Variants in C3orf20 observed in about 807,000 individuals in gnomAD.
C3orf20 encodes uncharacterized protein C3orf20.
C3orf20 carries 76 observed loss-of-function variants against 88.3 expected under a neutral mutation model. The ratio of observed to expected loss-of-function variants is 0.86; its 90% CI spans 0.72 to 1.04. The LOEUF is 1.04. C3orf20 is among the 50% of genes least tolerant of loss of function. C3orf20 has a pLI of 0.00. For synonymous variants in C3orf20, 436 were observed against 437.4 expected (o/e 1.00, Z 0.04); for missense variants, 1,056 against 1,123.3 (o/e 0.94, Z 0.86).
At chr3:14,706,206 GTTA>G (rs1205220782) in intron 7 of C3orf20, among the ~76,000 whole-genome samples, 1 of 152,104 alleles carries the variant, frequency 6.6e-6, no homozygotes, top group African/African-American at 2.4e-5. Flanking sequence ...TCAAAGAAGT[GTTA>G]TTGTTTCTCA....
At chr3:14,730,882 T>C (rs1326204303) in intron 12 of C3orf20, among the ~76,000 whole-genome samples, 3 of 152,234 alleles carry the variant, frequency 2.0e-5, no homozygotes, top group Non-Finnish European at 2.9e-5. Flanking sequence ...AAGTGGTTTT[T>C]TATTTGCATT....
intron 15 of C3orf20, among the ~76,000 whole-genome samples, chr3:14,764,038 C>T (rs2035633365): frequency 6.6e-6 from 1 of 152,060 alleles, no homozygotes; most frequent in Non-Finnish European, 1.5e-5. Context: ...CACATACATA[C>T]AAACTATAAA....
rs73813969 is a variant in C3orf20 at position 14,721,633 on chromosome 3, T to C, written c.1435-20T>C. On this transcript the variant is annotated intron_variant, in intron 9 of 16. Coordinates refer to ENST00000253697, the MANE Select transcript of C3orf20 (RefSeq NM_032137.5). ...GCCGTTGAAGCAGGGATTCTCTGAG[T>C]ACTGTTTCTTCATCTACAGGTGAAT... The C allele has an allele frequency of 2.3e-3, 3,722 of 1,613,462 alleles. 56 individuals are homozygous for C. In the African/African-American group the frequency reaches 0.043, roughly 19 times the overall value.
In C3orf20 at chr3:14,754,852, G is replaced by A. The variant is rs558147014; in HGVS notation, c.1941-2519G>A. 8.5e-5 allele frequency among the ~76,000 whole-genome samples: 13 copies of A among 152,122 alleles called. No homozygotes were observed. In the South Asian group the frequency reaches 2.3e-3, roughly 27 times the overall value. On this transcript the variant is annotated intron_variant, in intron 12 of 16. Coordinates refer to ENST00000253697, the MANE Select transcript of C3orf20 (RefSeq NM_032137.5). ...CATTCCTCCCACCTCAGCCTCCCAA[G>A]AAACTGGGACCACAGGCATGTGCCA...
At chr3:14,721,852 A>G in intron 10 of C3orf20, 68 bp downstream of exon 10, 1 of 1,592,196 alleles carries the variant, frequency 6.3e-7, no homozygotes, top group South Asian at 1.1e-5. Context: ...GCTGTTTCAT[A>G]TCTCAGGGCC....
intron 12 of C3orf20, among the ~76,000 whole-genome samples, chr3:14,740,450 A>G (rs758531680): frequency 1.4e-4 from 21 of 152,238 alleles, no homozygotes; most frequent in Non-Finnish European, 2.8e-4. Flanking sequence ...CTTAACACAG[A>G]TTACCATAAG....
intron 5 of C3orf20, 70 bp downstream of exon 5, chr3:14,690,186 A>G: frequency 6.2e-7 from 1 of 1,603,318 alleles, no homozygotes; most frequent in South Asian, 1.1e-5. Context: ...GTTTCCGTCT[A>G]CCCTGTGTAG....
At chr3:14,707,841 C>T (rs2033582823) in intron 7 of C3orf20, among the ~76,000 whole-genome samples, 1 of 10,392 alleles carries the variant, frequency 9.6e-5, no homozygotes, top group African/African-American at 2.9e-4. Flanking sequence ...TTTTTTGAGA[C>T]AGAGTTTCGC....
In C3orf20 at chr3:14,683,217, G is replaced by A. The variant is rs1297800475; in HGVS notation, c.484+20G>A. ...TGTCGGGTAAGGCCCAGATGTTTGT[G>A]TATGTGCCCACCACACCCACTACAG... On this transcript the variant is annotated intron_variant, in intron 3 of 16. Coordinates refer to ENST00000253697, the MANE Select transcript of C3orf20 (RefSeq NM_032137.5). 3 of 1,545,494 alleles carry A rather than the reference G, an allele frequency of 1.9e-6. No individual in the cohort carries two copies. The highest frequency in any genetic ancestry group is 2.6e-6 in the Non-Finnish European group (3 of 1,146,218).
At chr3:14,708,994 A>G (rs1360673780) in intron 7 of C3orf20, among the ~76,000 whole-genome samples, 1 of 152,226 alleles carries the variant, frequency 6.6e-6, no homozygotes, top group East Asian at 1.9e-4. Context: ...GCAATACAAA[A>G]TGGTGTATAA....
intron 12 of C3orf20, among the ~76,000 whole-genome samples, chr3:14,753,973 C>A (rs1043073395): frequency 6.6e-6 from 1 of 152,244 alleles, no homozygotes; most frequent in Non-Finnish European, 1.5e-5. Flanking sequence ...CAAGACTAAT[C>A]TGCATTAGCC....
intron 9 of C3orf20, among the ~76,000 whole-genome samples, chr3:14,719,362 AT>A (rs1436109505): frequency 4.6e-5 from 7 of 152,086 alleles, no homozygotes; most frequent in African/African-American, 1.7e-4. Context: ...TAGCGGCAAT[AT>A]TTTTTAAAGG....
At chr3:14,758,405 C>G (rs2035451226) in intron 13 of C3orf20, among the ~76,000 whole-genome samples, 1 of 152,172 alleles carries the variant, frequency 6.6e-6, no homozygotes. Flanking sequence ...CCACTCCTGC[C>G]TACTCATCGC....
intron 1 of C3orf20, among the ~76,000 whole-genome samples, chr3:14,676,935 T>G (rs1271672919): frequency 6.6e-6 from 1 of 152,218 alleles, no homozygotes; most frequent in Non-Finnish European, 1.5e-5. Context: ...CTGCCAAGCA[T>G]CTGTCCAGAA....
intron 11 of C3orf20, among the ~76,000 whole-genome samples, chr3:14,728,233 C>A (rs2034421215): frequency 6.6e-6 from 1 of 152,098 alleles, no homozygotes; most frequent in African/African-American, 2.4e-5. Context: ...ATTCTTACAA[C>A]ACAACATTTG....
chr3:14,684,151 C>T (rs2032269589), intron 3 of C3orf20, 91 bp from the exon 4 acceptor site: 23 of 1,544,046 alleles, frequency 1.5e-5, no homozygotes, highest in Middle Eastern at 1.9e-4. Context: ...CTACTCTACC[C>T]TTCTTTCCTG....
chr3:14,744,087 A>G (rs1030774740), intron 12 of C3orf20, among the ~76,000 whole-genome samples: 1 of 152,052 alleles, frequency 6.6e-6, no homozygotes. Flanking sequence ...TTTCTTTTCT[A>G]TCACATAGTC....
In C3orf20 at chr3:14,702,458, T is replaced by G. The variant is rs915257338; in HGVS notation, c.746-672T>G. Among the ~76,000 whole-genome samples, 664 of 121,786 alleles carry G rather than the reference T, an allele frequency of 5.5e-3. 4 individuals carry two copies. The highest frequency in any genetic ancestry group is 7.9e-3 in the Non-Finnish European group (441 of 55,822). 79.9% of individuals were successfully genotyped at this position (121,786 alleles called of 152,430 possible). ...CACATATCTTTTTTTTTTTTTTTTT[T>G]GAGTTGGAGTCTCACTCTGTCACCC... On this transcript the variant is annotated intron_variant, in intron 5 of 16. Coordinates refer to ENST00000253697, the MANE Select transcript of C3orf20 (RefSeq NM_032137.5).
chr3:14,719,168 A>G (rs977349872), intron 9 of C3orf20, among the ~76,000 whole-genome samples: 3 of 137,608 alleles, frequency 2.2e-5, no homozygotes, highest in Non-Finnish European at 4.6e-5. Context: ...ATAGTTATCT[A>G]TGAGGAAGGC....
Sources: allele counts gnomAD v4.1 joint callset (sites outside exome capture counted in the v4.1 genomes callset), GRCh38; gene constraint gnomAD v4.1.1; transcripts MANE v1.5; gene names NCBI Gene and HGNC (gene_info 2026-07-23, HGNC 2026-07-21).